SPEF2: variants seen among roughly 807,000 people sequenced by gnomAD.
SPEF2 encodes sperm flagellar and cilia associated 2, also known as sperm flagella and cilia-associated protein 2.
A neutral mutation model predicts 224.6 loss-of-function variants in SPEF2; 187 were observed. That is an observed-to-expected ratio of 0.83 (90% CI 0.74 to 0.94). The LOEUF is 0.94. SPEF2 is among the 40% of genes least tolerant of loss of function. SPEF2 has a pLI of 0.00. For missense variants in SPEF2, 2,170 were observed against 2,135.6 expected, an observed-to-expected ratio of 1.02 and a Z score of -0.32; for synonymous variants, 715 against 707.3, an observed-to-expected ratio of 1.01 and a Z score of -0.17.
intron 28 of SPEF2, among the ~76,000 whole-genome samples, chr5:35,774,895 G>A (rs985625063): frequency 6.6e-6 from 1 of 152,150 alleles, no homozygotes; most frequent in South Asian, 2.1e-4. Flanking sequence ...CATCAGGCAA[G>A]TCCAGGACAG....
intron 23 of SPEF2, among the ~76,000 whole-genome samples, chr5:35,748,741 C>T (rs1748950118): frequency 6.6e-6 from 1 of 152,070 alleles, no homozygotes; most frequent in South Asian, 2.1e-4. Flanking sequence ...TTCTACCAGA[C>T]ATTCAAAGAA....
rs1755539414 is a variant in SPEF2 at position 35,697,760 on chromosome 5, T to C, written c.2108T>C (p.Val703Ala). The change falls in exon 15 of 37, where the codon GTG (valine) becomes GCG (alanine). Residue 703 changes from valine to alanine, a missense_variant. Physicochemically the swap from Val to Ala is moderately conservative, Grantham distance 64. Coordinates refer to ENST00000356031, the MANE Select transcript of SPEF2 (RefSeq NM_024867.4). ...LLKKGKSIPD[V>A]LLVDIIVNAI... ...AAGAAAGGAAAGAGCATTCCTGATG[T>C]GCTGCTTGTTGACATCATAGTAAAT... is the stretch of plus-strand genomic sequence containing the variant. 6.2e-7 allele frequency: 1 copy of C among 1,613,280 alleles called. No homozygotes were observed. The highest frequency in any genetic ancestry group is 1.3e-5 in the African/African-American group (1 of 74,912).
intron 20 of SPEF2, among the ~76,000 whole-genome samples, chr5:35,721,318 T>A (rs1256040072): frequency 1.3e-5 from 2 of 152,210 alleles, no homozygotes; most frequent in Non-Finnish European, 2.9e-5. Flanking sequence ...TTCTTACACA[T>A]CTTGCATGTA....
intron 10 of SPEF2, among the ~76,000 whole-genome samples, chr5:35,690,535 G>A (rs1243673683): frequency 6.6e-6 from 1 of 152,040 alleles, no homozygotes; most frequent in Non-Finnish European, 1.5e-5. Flanking sequence ...GTCAGAGAAT[G>A]TGATCCATAT....
intron 23 of SPEF2, among the ~76,000 whole-genome samples, chr5:35,749,399 G>A (rs1041594403): frequency 2.6e-5 from 4 of 152,110 alleles, no homozygotes; most frequent in Admixed American, 6.6e-5. Flanking sequence ...AGTCAGTAAA[G>A]AGGAAGTCAA....
chr5:35,769,560 A>T (rs1413134790), intron 26 of SPEF2, among the ~76,000 whole-genome samples: 4 of 152,176 alleles, frequency 2.6e-5, no homozygotes, highest in Admixed American at 6.5e-5. Flanking sequence ...ATTGACTATT[A>T]AGCACCTACT....
rs933044862 is a variant in SPEF2, at chr5:35,677,819, G to T, written c.1524+7592G>T. On this transcript the variant is annotated intron_variant, in intron 10 of 36. Coordinates refer to ENST00000356031, the MANE Select transcript of SPEF2 (RefSeq NM_024867.4). ...TTAAGGGAGAGGATCTCCCAGAATG[G>T]CTTAGTGTCAGTTACCCATGGTAAT... Among the ~76,000 whole-genome samples, 3 of 152,202 alleles carry T rather than the reference G, an allele frequency of 2.0e-5. No individual in the cohort carries two copies. In the East Asian group the frequency reaches 5.8e-4, roughly 29 times the overall value.
chr5:35,802,504 G>T (rs987575510), intron 34 of SPEF2, among the ~76,000 whole-genome samples: 1 of 151,870 alleles, frequency 6.6e-6, no homozygotes, highest in Non-Finnish European at 1.5e-5. Flanking sequence ...AGACTACATC[G>T]AATGGTGATA....
intron 3 of SPEF2, 31 bp downstream of exon 3, chr5:35,641,714 T>C: frequency 6.3e-7 from 1 of 1,586,036 alleles, no homozygotes; most frequent in Non-Finnish European, 8.6e-7. Context: ...AATAAGCATG[T>C]CACAGTGTAA....
At position 35,723,488 on chromosome 5, in the gene SPEF2, C is replaced by T. The variant is rs1279594074; in HGVS notation, c.2915-4187C>T. ...CATTTGAGAACTACTTTACTGGAGC[C>T]CAAGGCTGACTGCTCTATTGTAGCC... On this transcript the variant is annotated intron_variant, in intron 20 of 36. Coordinates refer to ENST00000356031, the MANE Select transcript of SPEF2 (RefSeq NM_024867.4). Among the ~76,000 whole-genome samples the T allele has an allele frequency of 5.9e-5, 9 of 152,182 alleles. No individual in the cohort carries two copies. In the East Asian group the frequency reaches 1.7e-3, roughly 29 times the overall value.
intron 10 of SPEF2, among the ~76,000 whole-genome samples, chr5:35,685,855 C>A (rs1455512381): frequency 6.8e-6 from 1 of 146,718 alleles, no homozygotes; most frequent in African/African-American, 2.6e-5. Context: ...AGACACATAC[C>A]TTCCTCAAAA....
intron 23 of SPEF2, among the ~76,000 whole-genome samples, chr5:35,746,721 G>T (rs1748592237): frequency 6.6e-6 from 1 of 152,084 alleles, no homozygotes; most frequent in African/African-American, 2.4e-5. Flanking sequence ...AGGAAGAAGA[G>T]AATTATAAAA....
chr5:35,712,998 T>A (rs749844872), intron 20 of SPEF2, 112 bp downstream of exon 20: 4 of 974,964 alleles, frequency 4.1e-6, no homozygotes, highest in Non-Finnish European at 6.0e-6. Flanking sequence ...CTCTCAGGCA[T>A]TTGTAAATCA....
chr5:35,807,649 T>C (rs1039070934), intron 36 of SPEF2: 2 of 1,535,882 alleles, frequency 1.3e-6, no homozygotes, highest in Admixed American at 2.0e-5. Flanking sequence ...GTACACATCA[T>C]CTATGTAGTG....
chr5:35,645,449 T>C (rs1286688604), intron 4 of SPEF2, among the ~76,000 whole-genome samples: 1 of 152,134 alleles, frequency 6.6e-6, no homozygotes. Flanking sequence ...GAGTTCAGAA[T>C]TGAACGTTTT....
chr5:35,714,521 G>C (rs1742119422), intron 20 of SPEF2, among the ~76,000 whole-genome samples: 1 of 151,332 alleles, frequency 6.6e-6, no homozygotes, highest in African/African-American at 2.4e-5. Flanking sequence ...TATTTTTATT[G>C]ATTTTTTTTA....
chr5:35,808,580 C>T (rs1435240296), intron 36 of SPEF2, among the ~76,000 whole-genome samples: 2 of 151,940 alleles, frequency 1.3e-5, no homozygotes, highest in East Asian at 1.9e-4. Flanking sequence ...GACATGAAGT[C>T]ATCCTTTTAT....
intron 32 of SPEF2, among the ~76,000 whole-genome samples, chr5:35,794,734 G>A (rs1218594305): frequency 1.3e-5 from 2 of 152,154 alleles, no homozygotes; most frequent in Non-Finnish European, 2.9e-5. Context: ...AGAACAAAGG[G>A]TGTTGGCAAT....
At chr5:35,792,824 C>A (rs1756147933) in intron 31 of SPEF2, among the ~76,000 whole-genome samples, 1 of 152,218 alleles carries the variant, frequency 6.6e-6, no homozygotes, top group Admixed American at 6.5e-5. Context: ...AGCATTCCCC[C>A]ATGGGCCACA....
Sources: allele counts gnomAD v4.1 joint callset (sites outside exome capture counted in the v4.1 genomes callset), GRCh38; gene constraint gnomAD v4.1.1; transcripts MANE v1.5; gene names NCBI Gene and HGNC (gene_info 2026-07-23, HGNC 2026-07-21).